Variants in SGCD observed in about 807,000 individuals in gnomAD.
The protein encoded by SGCD is sarcoglycan delta.
SGCD carries 18 observed loss-of-function variants against 36.6 expected under a neutral mutation model. That is an observed-to-expected ratio of 0.49 (90% CI 0.34 to 0.73). The LOEUF (loss-of-function observed/expected upper bound fraction) is 0.73. Among genes scored for constraint, SGCD ranks in the 30% least tolerant of loss-of-function variants. SGCD has a pLI of 0.01. For synonymous variants in SGCD, 133 were observed against 130.6 expected (o/e 1.02, Z -0.12); for missense variants, 387 against 346.7 (o/e 1.12, Z -0.92).
chr5:156,412,623 A>C (rs1772821048), intron 3 of SGCD, among the ~76,000 whole-genome samples: 1 of 152,212 alleles, frequency 6.6e-6, no homozygotes, highest in South Asian at 2.1e-4. Flanking sequence ...CAGTACTCAA[A>C]TGTGGAGAGG....
At chr5:156,671,610 T>C (rs1316738628) in intron 7 of SGCD, among the ~76,000 whole-genome samples, 1 of 152,178 alleles carries the variant, frequency 6.6e-6, no homozygotes, top group Non-Finnish European at 1.5e-5. Flanking sequence ...AAGAGTCTGC[T>C]GGAAAGTTTT....
chr5:155,757,458 T>C, the SGCD span, among the ~76,000 whole-genome samples: 1 of 152,210 alleles, frequency 6.6e-6, no homozygotes, highest in African/African-American at 2.4e-5. Context: ...GGGCGGGTAA[T>C]ATTTTCTTTG....
chr5:156,068,441 A>G (rs1458600630), intron 1 of SGCD, among the ~76,000 whole-genome samples: 2 of 152,146 alleles, frequency 1.3e-5, no homozygotes, highest in Admixed American at 6.5e-5. Flanking sequence ...GTCCCTACAA[A>G]GGACATGAAC....
intron 3 of SGCD, among the ~76,000 whole-genome samples, chr5:156,424,798 G>T (rs961099665): frequency 1.3e-5 from 2 of 152,090 alleles, no homozygotes; most frequent in South Asian, 2.1e-4. Flanking sequence ...GCACCTTTTC[G>T]AGAAGAAATC....
At chr5:155,850,574 C>T in the SGCD span, among the ~76,000 whole-genome samples, 7 of 152,022 alleles carry the variant, frequency 4.6e-5, no homozygotes, top group Admixed American at 2.0e-4. Flanking sequence ...CAAAGGAGAC[C>T]GTACTGCCGA....
chr5:156,681,387 CTGCTCAGT>C (rs1019430885), intron 7 of SGCD, among the ~76,000 whole-genome samples: 1 of 152,198 alleles, frequency 6.6e-6, no homozygotes, highest in Non-Finnish European at 1.5e-5. Context: ...TCTCTGCTCA[CTGCTCAGT>C]TGCTTGTATC....
chr5:156,105,250 T>G (rs182772511), intron 1 of SGCD, among the ~76,000 whole-genome samples: 7 of 152,286 alleles, frequency 4.6e-5, no homozygotes, highest in African/African-American at 1.7e-4. Flanking sequence ...ATTATGTAAA[T>G]AAAGAAAGTA....
At chr5:156,136,567 G>A (rs992947872) in intron 3 of SGCD, among the ~76,000 whole-genome samples, 12 of 152,156 alleles carry the variant, frequency 7.9e-5, no homozygotes, top group African/African-American at 2.7e-4. Context: ...TAGTGATATA[G>A]AGGGAATTGT....
At chr5:155,840,909 G>A in the SGCD span, among the ~76,000 whole-genome samples, 1 of 151,018 alleles carries the variant, frequency 6.6e-6, no homozygotes, top group Non-Finnish European at 1.5e-5. Context: ...TATTCAGGAG[G>A]CTGAGGCAGG....
intron 3 of SGCD, among the ~76,000 whole-genome samples, chr5:156,505,863 T>C (rs923513965): frequency 6.6e-5 from 10 of 152,072 alleles, no homozygotes; most frequent in Non-Finnish European, 1.3e-4. Context: ...ATTTGACTTC[T>C]TTGAATATTT....
intron 3 of SGCD, among the ~76,000 whole-genome samples, chr5:156,421,538 A>T (rs1167635018): frequency 6.6e-6 from 1 of 152,098 alleles, no homozygotes; most frequent in Non-Finnish European, 1.5e-5. Flanking sequence ...TATGGTCTAT[A>T]ATATCATCCT....
At chr5:156,449,112 A>C (rs1319659130) in intron 3 of SGCD, among the ~76,000 whole-genome samples, 5 of 152,148 alleles carry the variant, frequency 3.3e-5, no homozygotes, top group African/African-American at 2.4e-5. Context: ...TTATCAAAGC[A>C]TCCAAAGCAT....
intron 3 of SGCD, among the ~76,000 whole-genome samples, chr5:156,152,830 C>G (rs1340953583): frequency 6.6e-6 from 1 of 151,372 alleles, no homozygotes; most frequent in Non-Finnish European, 1.5e-5. Flanking sequence ...ACCAAAGTAT[C>G]CTTTGACCAA....
intron 4 of SGCD, among the ~76,000 whole-genome samples, chr5:156,553,152 T>C (rs886559613): frequency 6.6e-6 from 1 of 151,986 alleles, no homozygotes; most frequent in Non-Finnish European, 1.5e-5. Context: ...TTGTGGAAAA[T>C]AGCAGAGTGA....
chr5:155,898,193 T>G (rs1009611518), intron 1 of SGCD, among the ~76,000 whole-genome samples: 1 of 152,202 alleles, frequency 6.6e-6, no homozygotes, highest in Non-Finnish European at 1.5e-5. Flanking sequence ...AAATTGTCCC[T>G]GCTATCCCAG....
chr5:156,304,883 T>C (rs1454033966), intron 3 of SGCD, among the ~76,000 whole-genome samples: 1 of 152,198 alleles, frequency 6.6e-6, no homozygotes, highest in Non-Finnish European at 1.5e-5. Flanking sequence ...GCAAAGAGAC[T>C]AGTTGCATTT....
At chr5:156,250,127 C>T (rs943701162) in intron 3 of SGCD, among the ~76,000 whole-genome samples, 4 of 152,166 alleles carry the variant, frequency 2.6e-5, no homozygotes, top group African/African-American at 9.7e-5. Flanking sequence ...GGGTATTCTT[C>T]TATGTCCATG....
At chr5:155,758,693 T>A in the SGCD span, among the ~76,000 whole-genome samples, 1 of 152,200 alleles carries the variant, frequency 6.6e-6, no homozygotes, top group Non-Finnish European at 1.5e-5. Context: ...TATGAGAATC[T>A]AGTGCCTGAA....
chr5:156,682,739 C>A (rs1018725524), intron 7 of SGCD, among the ~76,000 whole-genome samples: 1 of 152,124 alleles, frequency 6.6e-6, no homozygotes, highest in Admixed American at 6.5e-5. Flanking sequence ...GTTCTTCAGG[C>A]CTTTGTGGTA....
Sources: gnomAD v4.1 joint callset for allele counts (sites outside exome capture counted in the v4.1 genomes callset) on GRCh38, gnomAD v4.1.1 for gene constraint, MANE v1.5 for transcripts, NCBI Gene and HGNC (gene_info 2026-07-23, HGNC 2026-07-21) for gene names.